DERA: variants seen among roughly 807,000 people sequenced by gnomAD.
DERA encodes deoxyribose-phosphate aldolase.
DERA carries 15 observed loss-of-function variants against 41.1 expected under a neutral mutation model. The ratio of observed to expected loss-of-function variants is 0.37; its 90% CI spans 0.24 to 0.56. The LOEUF is 0.56. Among genes scored for constraint, DERA ranks in the 20% least tolerant of loss-of-function variants. DERA has a pLI of 0.81. For synonymous variants in DERA, 139 were observed against 137.4 expected (o/e 1.01, Z -0.08); for missense variants, 396 against 403.4 (o/e 0.98, Z 0.16).
At position 15,966,068 on chromosome 12, in the gene DERA, C is replaced by T. The variant is rs1948620500; in HGVS notation, c.508+3121C>T. The stretch of plus-strand genomic sequence containing the variant: ...ATCCCCAGCAACGTCCTCCTTTCTT[C>T]TCTTCCCTTCATGACTAAAATTCTG... On this transcript the variant is annotated intron_variant, in intron 5 of 8. Coordinates refer to ENST00000428559, the MANE Select transcript of DERA (RefSeq NM_015954.4). This position sits in a 1 kb window ranked among gnomAD's most constrained non-coding sequence, Gnocchi z 5.1. 6.6e-6 allele frequency among the ~76,000 whole-genome samples: 1 copy of T among 152,174 alleles called. No individual in the cohort carries two copies.
chr12:15,976,598 A>G lies in DERA; in HGVS notation c.509-5710A>G, dbSNP rs1236632693. ...TTCAGAATCATCTTTCTAAATCAAC[A>G]AGAGGCTCTTTCATCTTAATTATAA... On this transcript the variant is annotated intron_variant, in intron 5 of 8. Coordinates refer to ENST00000428559, the MANE Select transcript of DERA (RefSeq NM_015954.4). This position sits in a 1 kb window ranked among gnomAD's most constrained non-coding sequence, Gnocchi z 4.1. 6.6e-6 allele frequency among the ~76,000 whole-genome samples: 1 copy of G among 152,208 alleles called. No individual in the cohort carries two copies. Among genetic ancestry groups the G allele is most frequent in the Non-Finnish European group, 1.5e-5 (1 of 68,032 alleles).
rs1311987975 is a variant in DERA, at chr12:16,004,976, G to C, written c.637+22540G>C. ...ATAAAGAAGAAACAGAGCAACTGAG[G>C]ATTTGGTTTTATGCCCTGTAGAGTT... On this transcript the variant is annotated intron_variant, in intron 6 of 8. Transcript: ENST00000428559. The surrounding 1 kb of genome is among the most constrained non-coding windows in gnomAD (Gnocchi z 4.2). Among the ~76,000 whole-genome samples, 1 of 152,134 alleles carries C rather than the reference G, an allele frequency of 6.6e-6. No individual in the cohort carries two copies. Among genetic ancestry groups the C allele is most frequent in the Non-Finnish European group, 1.5e-5 (1 of 68,014 alleles).
rs561692023 is a variant in DERA, at chr12:15,988,812, T to A, written c.637+6376T>A. Among the ~76,000 whole-genome samples, 6 of 152,170 alleles carry A rather than the reference T, an allele frequency of 3.9e-5. No individual in the cohort carries two copies. The South Asian group carries it at 1.2e-3, about 32-fold the overall frequency. Reference sequence around the variant, plus strand: ...TCCACGGCACCCAGGCTATTCACACTGAGGGGCGCCTGCAGACCCACACCA... The same window carrying A: ...TCCACGGCACCCAGGCTATTCACACAGAGGGGCGCCTGCAGACCCACACCA... On this transcript the variant is annotated intron_variant, in intron 6 of 8. Coordinates refer to ENST00000428559, the MANE Select transcript of DERA (RefSeq NM_015954.4). This position sits in a 1 kb window ranked among gnomAD's most constrained non-coding sequence, Gnocchi z 6.0.
In DERA at chr12:15,943,599, G is replaced by C. The variant is rs1948423842; in HGVS notation, c.32-13337G>C. Among the ~76,000 whole-genome samples the C allele has an allele frequency of 6.6e-6, 1 of 152,124 alleles. No homozygotes were observed. Among genetic ancestry groups the C allele is most frequent in the African/African-American group, 2.4e-5 (1 of 41,426 alleles). On this transcript the variant is annotated intron_variant, in intron 1 of 8. Coordinates refer to ENST00000428559, the MANE Select transcript of DERA (RefSeq NM_015954.4). The surrounding 1 kb of genome is among the most constrained non-coding windows in gnomAD (Gnocchi z 4.5). ...ATTGCCACACAGTACATGCCACACA[G>C]TACACACGGGTTTGAAACAGAACTT...
At chr12:16,015,622 G>T (rs1948976169) in intron 6 of DERA, among the ~76,000 whole-genome samples, 1 of 152,134 alleles carries the variant, frequency 6.6e-6, no homozygotes, top group Non-Finnish European at 1.5e-5. Context: ...AATACAATTT[G>T]GTCAACCTTA....
chr12:16,023,097 C>G (rs1385900428), intron 6 of DERA, among the ~76,000 whole-genome samples: 1 of 152,086 alleles, frequency 6.6e-6, no homozygotes, highest in Non-Finnish European at 1.5e-5. Context: ...ACAGTTACAG[C>G]CCAGGGACAC....
intron 6 of DERA, among the ~76,000 whole-genome samples, chr12:16,002,475 T>A (rs535003632): frequency 3.0e-4 from 45 of 152,218 alleles, no homozygotes; most frequent in African/African-American, 1.1e-3. Context: ...TTTTTTAAAT[T>A]TAAATTTTTA....
chr12:16,002,405 T>TA (rs1279554262), intron 6 of DERA, among the ~76,000 whole-genome samples: 1 of 152,150 alleles, frequency 6.6e-6, no homozygotes, highest in Non-Finnish European at 1.5e-5. Context: ...GCAGAGAAAT[T>TA]AAGAATACCC....
rs551988237 is a variant in DERA, at chr12:15,990,783, C to A, written c.637+8347C>A. 7.2e-5 allele frequency among the ~76,000 whole-genome samples: 11 copies of A among 152,260 alleles called. No homozygotes were observed. In the East Asian group the frequency reaches 2.1e-3, roughly 29 times the overall value. Reference sequence around the variant, plus strand: ...CATGTCCCTGCAAAGGATATGATCTCATTCTTTTTTTATGGCTGGATAGTA... The same window carrying A: ...CATGTCCCTGCAAAGGATATGATCTAATTCTTTTTTTATGGCTGGATAGTA... On this transcript the variant is annotated intron_variant, in intron 6 of 8. Transcript: ENST00000428559. The surrounding 1 kb of genome is among the most constrained non-coding windows in gnomAD (Gnocchi z 4.3).
In DERA at chr12:15,967,679, A is replaced by G. The variant is rs1335348255; in HGVS notation, c.508+4732A>G. Among the ~76,000 whole-genome samples, 10 of 151,410 alleles carry G rather than the reference A, an allele frequency of 6.6e-5. No individual in the cohort carries two copies. Among genetic ancestry groups the G allele is most frequent in the Admixed American group, 6.6e-4 (10 of 15,200 alleles). On this transcript the variant is annotated intron_variant, in intron 5 of 8. Coordinates refer to ENST00000428559, the MANE Select transcript of DERA (RefSeq NM_015954.4). This position sits in a 1 kb window ranked among gnomAD's most constrained non-coding sequence, Gnocchi z 4.9. ...CTTATTTGTTACTGTTTTTTTGCCT[A>G]CTCCTTAGTGGTTAAGCTTTTTACT...
intron 4 of DERA, among the ~76,000 whole-genome samples, chr12:15,961,541 T>A (rs1288178345): frequency 6.6e-6 from 1 of 152,130 alleles, no homozygotes. Flanking sequence ...AAGGAGTTTA[T>A]AAAGGTCATT....
chr12:15,964,547 C>A (rs1055414998), intron 5 of DERA, among the ~76,000 whole-genome samples: 6 of 152,094 alleles, frequency 3.9e-5, no homozygotes, highest in African/African-American at 4.8e-5. Context: ...ATCTCTGTTC[C>A]TATATATTAA....
At chr12:16,022,011 C>A (rs554024722) in intron 6 of DERA, among the ~76,000 whole-genome samples, 1 of 152,280 alleles carries the variant, frequency 6.6e-6, no homozygotes, top group South Asian at 2.1e-4. Flanking sequence ...CTGTGTTTTG[C>A]AATGTGAAAA....
chr12:15,992,918 A>G lies in DERA; in HGVS notation c.637+10482A>G, dbSNP rs892595554. On this transcript the variant is annotated intron_variant, in intron 6 of 8. Transcript: ENST00000428559. The surrounding 1 kb of genome is among the most constrained non-coding windows in gnomAD (Gnocchi z 4.3). ...ATAAATAAGGTTGGAGTAGAAAAGCACTAAAGATGCAATCATAATGTCATC... is the reference window on the plus strand; with the variant it reads ...ATAAATAAGGTTGGAGTAGAAAAGCGCTAAAGATGCAATCATAATGTCATC... 6.6e-6 allele frequency among the ~76,000 whole-genome samples: 1 copy of G among 152,218 alleles called. No homozygotes were observed. The highest frequency in any genetic ancestry group is 1.5e-5 in the Non-Finnish European group (1 of 68,016).
rs1183675631 is a variant in DERA at position 15,943,849 on chromosome 12, C to T, written c.32-13087C>T. On this transcript the variant is annotated intron_variant, in intron 1 of 8. Transcript: ENST00000428559. The surrounding 1 kb of genome is among the most constrained non-coding windows in gnomAD (Gnocchi z 4.5). Reference sequence around the variant, plus strand: ...AGCCATTAACTCGTCATTTACATTACGTATTTCTCCTAATGCTATCCCTCC... The same window carrying T: ...AGCCATTAACTCGTCATTTACATTATGTATTTCTCCTAATGCTATCCCTCC... Among the ~76,000 whole-genome samples, 1 of 151,040 alleles carries T rather than the reference C, an allele frequency of 6.6e-6. No individual in the cohort carries two copies. The highest frequency in any genetic ancestry group is 2.4e-5 in the African/African-American group (1 of 41,098).
rs1948788434 is a variant in DERA at position 15,989,665 on chromosome 12, A to T, written c.637+7229A>T. 6.6e-6 allele frequency among the ~76,000 whole-genome samples: 1 copy of T among 152,178 alleles called. No individual in the cohort carries two copies. Among genetic ancestry groups the T allele is most frequent in the Non-Finnish European group, 1.5e-5 (1 of 68,024 alleles). On this transcript the variant is annotated intron_variant, in intron 6 of 8. Coordinates refer to ENST00000428559, the MANE Select transcript of DERA (RefSeq NM_015954.4). This position sits in a 1 kb window ranked among gnomAD's most constrained non-coding sequence, Gnocchi z 5.2. ...CTTCTCTGTTTTTGTTTTCCCATTAATTTAGAATCAGAATCTCAAAGGGAA... is the reference window on the plus strand; with the variant it reads ...CTTCTCTGTTTTTGTTTTCCCATTATTTTAGAATCAGAATCTCAAAGGGAA...
Position 15,919,272 on chromosome 12 carries a change from T to A in DERA, c.31+7858T>A, listed in dbSNP as rs557678167. Among the ~76,000 whole-genome samples the A allele has an allele frequency of 5.5e-4, 83 of 151,850 alleles. 1 individual carries two copies. Among genetic ancestry groups the A allele is most frequent in the South Asian group, 2.5e-3 (12 of 4,816 alleles). ...AAGTTAAAAAACATTTTTTTTTTTT[T>A]AAAAAGCATCTAAGCCCGGTGGATT... On this transcript the variant is annotated intron_variant, in intron 1 of 8. Transcript: ENST00000428559.
At chr12:15,961,306 T>G (rs531078595) in intron 4 of DERA, among the ~76,000 whole-genome samples, 1 of 152,168 alleles carries the variant, frequency 6.6e-6, no homozygotes, top group South Asian at 2.1e-4. Context: ...TGTGTGTATA[T>G]GGATGGATGA....
At position 16,003,500 on chromosome 12, in the gene DERA, G is replaced by C. The variant is rs1416113004; in HGVS notation, c.637+21064G>C. Among the ~76,000 whole-genome samples, 1 of 152,152 alleles carries C rather than the reference G, an allele frequency of 6.6e-6. No homozygotes were observed. The highest frequency in any genetic ancestry group is 1.5e-5 in the Non-Finnish European group (1 of 68,032). On this transcript the variant is annotated intron_variant, in intron 6 of 8. Transcript: ENST00000428559. This position sits in a 1 kb window ranked among gnomAD's most constrained non-coding sequence, Gnocchi z 4.8. ...TCTTTTTGGCTCATTTTGCTTGTGT[G>C]CCTAAGGGCTGAGTGTTCGTTTTAG... is the stretch of plus-strand genomic sequence containing the variant.
Sources: allele counts gnomAD v4.1 joint callset (sites outside exome capture counted in the v4.1 genomes callset), GRCh38; gene constraint gnomAD v4.1.1; non-coding constraint Gnocchi (gnomAD v3.1); transcripts MANE v1.5; gene names NCBI Gene and HGNC (gene_info 2026-07-23, HGNC 2026-07-21).